LRIT3: variants seen among roughly 807,000 people sequenced by gnomAD.
The protein encoded by LRIT3 is leucine-rich repeat, immunoglobulin-like domain and transmembrane domain-containing protein 3.
In LRIT3, 14 loss-of-function variants were observed where a neutral mutation model predicts 22.6. The ratio of observed to expected loss-of-function variants is 0.62; its 90% CI spans 0.41 to 0.97. The LOEUF is 0.97. Ranked by LOEUF, LRIT3 falls within the 50% of genes least tolerant of loss-of-function variation. The probability of loss-of-function intolerance (pLI) is 0.00; values close to 1 mark genes in which losing one functional copy is unlikely to be tolerated. For missense variants in LRIT3, 783 were observed against 803.0 expected (o/e 0.98, Z 0.30); for synonymous variants, 306 against 304.5 (o/e 1.01, Z -0.05).
intron 2 of LRIT3, among the ~76,000 whole-genome samples, chr4:109,859,228 G>C (rs1321809209): frequency 6.6e-6 from 1 of 152,112 alleles, no homozygotes; most frequent in African/African-American, 2.4e-5. Context: ...CAATGCACTA[G>C]ATATACCAGC....
chr4:109,855,517 G>T (rs139892046), intron 2 of LRIT3, among the ~76,000 whole-genome samples: 4,599 of 152,152 alleles, frequency 0.03, 222 homozygotes, highest in African/African-American at 0.1. Context: ...TATTTTGAAG[G>T]GTTTTTTCTG....
chr4:109,857,565 C>G lies in LRIT3; in HGVS notation c.589+5589C>G, dbSNP rs542619172. On this transcript the variant is annotated intron_variant, in intron 2 of 3. Coordinates refer to ENST00000594814, the MANE Select transcript of LRIT3 (RefSeq NM_198506.5). ...CAGGTCCTAAGTGGGGAACAACAAGCCTTGGCTTTGGAGGGGCAATCCCTG... is the reference window on the plus strand; with the variant it reads ...CAGGTCCTAAGTGGGGAACAACAAGGCTTGGCTTTGGAGGGGCAATCCCTG... Among the ~76,000 whole-genome samples, 14 of 152,238 alleles carry G rather than the reference C, an allele frequency of 9.2e-5. No individual in the cohort carries two copies. In the East Asian group the frequency reaches 2.7e-3, roughly 29 times the overall value.
At chr4:109,857,381 T>C (rs913295720) in intron 2 of LRIT3, among the ~76,000 whole-genome samples, 3 of 152,142 alleles carry the variant, frequency 2.0e-5, no homozygotes, top group African/African-American at 7.2e-5. Context: ...CTTTTGATGA[T>C]TGCCATAGTG....
At position 109,848,304 on chromosome 4, in the gene LRIT3, G is replaced by A. The variant is rs1401256663; in HGVS notation, c.103G>A (p.Gly35Ser). The change falls in exon 1 of 4, where the codon GGC (glycine) becomes AGC (serine). Residue 35 changes from glycine to serine, a missense_variant. Transcript: ENST00000594814. ...CTGTGATTATCACGGCAGAAATGAC[G>A]GCTCAGGATCAAGGTATGCTCCTCT... ...CTCDYHGRNDGSGSRLVLCND... is the reference protein window; with the variant it reads ...CTCDYHGRNDSSGSRLVLCND... 5.7e-6 allele frequency: 7 copies of A among 1,231,172 alleles called. No homozygotes were observed. Among genetic ancestry groups the A allele is most frequent in the African/African-American group, 3.1e-5 (2 of 64,366 alleles). The allele number at this position is 1,231,172 out of a possible 1,614,324, so 76.3% of individuals were successfully genotyped here.
At position 109,851,783 on chromosome 4, in the gene LRIT3, G is replaced by A; in HGVS notation, c.396G>A (p.Arg132=). 1 of 1,551,780 alleles carries A rather than the reference G, an allele frequency of 6.4e-7. No individual in the cohort carries two copies. Among genetic ancestry groups the A allele is most frequent in the African/African-American group, 1.4e-5 (1 of 73,164 alleles). Residue 132 remains arginine (R), a synonymous_variant, in exon 2 of 4, where the codon AGG becomes AGA. Transcript: ENST00000594814. The part of the protein sequence containing the change: ...WASLLDMPLL[R]TLDLHNNKIT... ...CTCTGCTGGACATGCCCCTTCTGAG[G>A]ACCCTGGACTTGCACAATAACAAAA...
chr4:109,865,243 A>G, intron 2 of LRIT3: 5 of 1,560,770 alleles, frequency 3.2e-6, no homozygotes, highest in Admixed American at 1.8e-5. Flanking sequence ...CTAATGGTTG[A>G]GCCTCATCAG....
chr4:109,864,048 A>G (rs1734618897), intron 2 of LRIT3, among the ~76,000 whole-genome samples: 1 of 152,212 alleles, frequency 6.6e-6, no homozygotes, highest in Non-Finnish European at 1.5e-5. Context: ...AACTGAATAA[A>G]TTTGATGTGC....
At chr4:109,869,536 C>A in intron 3 of LRIT3, 109 bp from the exon 4 acceptor site, 1 of 1,078,906 alleles carries the variant, frequency 9.3e-7, no homozygotes, top group Non-Finnish European at 1.3e-6. Context: ...TCCCTCTTGG[C>A]TTCTGTGAGA....
rs1303531232 is a variant in LRIT3, at chr4:109,851,948, G to A, written c.561G>A (p.Leu187=). ...THLVSTPSGV[L]DLSPSRIILG... is the part of the protein sequence containing the mutation. ...TAGTTTCAACACCTTCTGGAGTCCT[G>A]GACCTTTCCCCAAGCAGGATTATTC... Residue 187 remains leucine (L), a synonymous_variant, in exon 2 of 4, where the codon CTG becomes CTA. Transcript: ENST00000594814. The A allele has an allele frequency of 1.2e-5, 18 of 1,549,498 alleles. No individual in the cohort carries two copies. Among genetic ancestry groups the A allele is most frequent in the Non-Finnish European group, 1.5e-5 (17 of 1,146,144 alleles).
chr4:109,850,367 C>CTTCT (rs1734186336), intron 1 of LRIT3, among the ~76,000 whole-genome samples: 4 of 1,150 alleles, frequency 3.5e-3, no homozygotes, highest in Admixed American at 0.016. Context: ...TCCTTCCTTC[C>CTTCT]TTCCTTCCTT....
chr4:109,870,401 T>C lies in LRIT3; in HGVS notation c.1652T>C (p.Met551Thr), dbSNP rs1734802478. 6.2e-7 allele frequency: 1 copy of C among 1,614,164 alleles called. No individual in the cohort carries two copies. The highest frequency in any genetic ancestry group is 2.2e-5 in the East Asian group (1 of 44,888). ...IDGLEPGGQY[M>T]ACVCPKGVPP... ...GGCTTGGAACCCGGTGGGCAATACA[T>C]GGCCTGTGTCTGTCCAAAAGGAGTG... Residue 551 changes from methionine to threonine, a missense_variant, in exon 4 of 4, where the codon ATG becomes ACG. Met to Thr is a moderately conservative substitution (Grantham distance 81). Coordinates refer to ENST00000594814, the MANE Select transcript of LRIT3 (RefSeq NM_198506.5).
rs1734828909 is a variant in LRIT3 at position 109,871,364 on chromosome 4, T to A, written c.*575T>A. 2.0e-5 allele frequency: 3 copies of A among 152,312 alleles called. No homozygotes were observed. Among genetic ancestry groups the A allele is most frequent in the South Asian group, 4.1e-4 (2 of 4,824 alleles). 9.4% of individuals were successfully genotyped at this position (152,312 alleles called of 1,614,324 possible). A position where few individuals can be genotyped will look rare whatever the true frequency, so the allele number is the denominator to read the frequency against. ...GTTCATATTTCTTGTAAGAAAAATT[T>A]TTGCTTTTCTTTAGAAATATAGGTA... On this transcript the variant is annotated 3_prime_UTR_variant, in exon 4 of 4. Transcript: ENST00000594814.
In LRIT3 at chr4:109,853,211, C is replaced by T. The variant is rs182462858; in HGVS notation, c.589+1235C>T. Among the ~76,000 whole-genome samples the T allele has an allele frequency of 6.9e-3, 1,044 of 152,180 alleles. 12 individuals carry two copies. The highest frequency in any genetic ancestry group is 0.024 in the African/African-American group (993 of 41,532). ...TATACTCCCACCAACAGTGTAAAAA[C>T]GTTCCTATTTCTCCACATCCTCTCC... is the stretch of plus-strand genomic sequence containing the variant. On this transcript the variant is annotated intron_variant, in intron 2 of 3. Transcript: ENST00000594814.
At chr4:109,866,166 G>A (rs36038539) in intron 2 of LRIT3, among the ~76,000 whole-genome samples, 2 of 152,068 alleles carry the variant, frequency 1.3e-5, no homozygotes, top group Non-Finnish European at 2.9e-5. Context: ...TAGAATTTAT[G>A]AACTAACAGT....
rs761341365 is a variant in LRIT3, at chr4:109,869,893, G to A, written c.1144G>A (p.Ala382Thr). The A allele has an allele frequency of 3.0e-5, 48 of 1,613,994 alleles. No homozygotes were observed. The highest frequency in any genetic ancestry group is 1.2e-4 in the Admixed American group (7 of 59,984). Reference sequence around the variant, plus strand: ...TGGAAGATCTACATCTGTATCTAGCGCATCATCATATCTTTGGTCCTCTTC... The same window carrying A: ...TGGAAGATCTACATCTGTATCTAGCACATCATCATATCTTTGGTCCTCTTC... ...GSGRSTSVSS[A>T]SSYLWSSSFS... The change falls in exon 4 of 4, where the codon GCA (alanine) becomes ACA (threonine). Residue 382 changes from alanine to threonine, a missense_variant. Ala to Thr is a moderately conservative substitution (Grantham distance 58). Coordinates refer to ENST00000594814, the MANE Select transcript of LRIT3 (RefSeq NM_198506.5).
At position 109,870,407 on chromosome 4, in the gene LRIT3, G is replaced by C. The variant is rs551139098; in HGVS notation, c.1658G>C (p.Cys553Ser). 1.2e-6 allele frequency: 2 copies of C among 1,614,140 alleles called. No individual in the cohort carries two copies. The highest frequency in any genetic ancestry group is 1.7e-6 in the Non-Finnish European group (2 of 1,180,030). ...GAACCCGGTGGGCAATACATGGCCT[G>C]TGTCTGTCCAAAAGGAGTGCCTCCC... ...GLEPGGQYMA[C>S]VCPKGVPPQK... The change falls in exon 4 of 4, where the codon TGT becomes TCT. Residue 553 changes from cysteine (C) to serine (S), a missense_variant. Physicochemically the swap from Cys to Ser is moderately radical, Grantham distance 112. Around this residue, in one of 2 missense-constraint regions of LRIT3, gnomAD observed 756 missense variants for 753.8 expected, o/e 1.00. Coordinates refer to ENST00000594814, the MANE Select transcript of LRIT3 (RefSeq NM_198506.5).
intron 2 of LRIT3, chr4:109,865,400 A>T (rs1196308498): frequency 1.7e-6 from 2 of 1,189,074 alleles, no homozygotes; most frequent in African/African-American, 3.0e-5. Flanking sequence ...TCTGGTGGTG[A>T]AATGGGTTTT....
chr4:109,862,909 G>T (rs2125899879), intron 2 of LRIT3, among the ~76,000 whole-genome samples: 1 of 152,228 alleles, frequency 6.6e-6, no homozygotes, highest in Admixed American at 6.5e-5. Flanking sequence ...GCACAGGCTG[G>T]CCTTGAACTC....
chr4:109,856,100 C>T (rs1380289395), intron 2 of LRIT3, among the ~76,000 whole-genome samples: 1 of 152,118 alleles, frequency 6.6e-6, no homozygotes, highest in Non-Finnish European at 1.5e-5. Flanking sequence ...GTGAAACCTC[C>T]CTGACTGCAC....
Sources: gnomAD v4.1 joint callset for allele counts (sites outside exome capture counted in the v4.1 genomes callset) on GRCh38, gnomAD v4.1.1 for gene constraint, gnomAD v4.1.1 regional missense constraint, MANE v1.5 for transcripts, NCBI Gene and HGNC (gene_info 2026-07-23, HGNC 2026-07-21) for gene names.